The following ASTN2 variants were observed in gnomAD, a reference collection of about 807,000 sequenced individuals.
ASTN2 encodes the protein astrotactin 2, also known as astrotactin-2.
ASTN2 carries 54 observed loss-of-function variants against 139.8 expected under a neutral mutation model. The observed-to-expected ratio is 0.39, with a 90% CI of 0.31 to 0.48. ASTN2 has a LOEUF of 0.48. ASTN2 is among the 20% of genes least tolerant of loss of function. ASTN2 has a pLI of 0.95. For missense variants in ASTN2, 1,565 were observed against 1,725.1 expected (o/e 0.91, Z 1.64); for synonymous variants, 756 against 719.5 (o/e 1.05, Z -0.81).
chr9:117,413,799 G>A (rs1249174207), intron 1 of ASTN2, among the ~76,000 whole-genome samples: 2 of 152,196 alleles, frequency 1.3e-5, no homozygotes, highest in Non-Finnish European at 2.9e-5. Context: ...CTGGAGGTGG[G>A]TAGAAAGGGA....
intron 5 of ASTN2, among the ~76,000 whole-genome samples, chr9:117,041,252 A>AT (rs940860392): frequency 5.2e-4 from 76 of 147,522 alleles, no homozygotes; most frequent in East Asian, 1.8e-3. Flanking sequence ...TGCCTCCACA[A>AT]TTTTTTTTTT....
chr9:117,279,177 T>C (rs1290899938), intron 2 of ASTN2, among the ~76,000 whole-genome samples: 4 of 152,188 alleles, frequency 2.6e-5, no homozygotes, highest in African/African-American at 7.2e-5. Context: ...AGTCTCGTAA[T>C]TGGATGATTA....
intron 5 of ASTN2, among the ~76,000 whole-genome samples, chr9:117,050,345 C>T (rs1838879748): frequency 6.6e-6 from 1 of 152,094 alleles, no homozygotes; most frequent in Non-Finnish European, 1.5e-5. Flanking sequence ...TTGGCCCACA[C>T]TTTGTGAAAA....
At chr9:116,743,029 T>C (rs1170633774) in intron 13 of ASTN2, among the ~76,000 whole-genome samples, 3 of 152,008 alleles carry the variant, frequency 2.0e-5, no homozygotes, top group Admixed American at 2.0e-4. Context: ...AAAAATCACA[T>C]AGCAAATACC....
chr9:116,556,239 A>C (rs1852607980), intron 19 of ASTN2, among the ~76,000 whole-genome samples: 1 of 152,166 alleles, frequency 6.6e-6, no homozygotes, highest in African/African-American at 2.4e-5. Context: ...AGACTGGGAA[A>C]ATTTTATTTA....
At chr9:116,874,759 T>G (rs1486385392) in intron 10 of ASTN2, among the ~76,000 whole-genome samples, 1 of 152,200 alleles carries the variant, frequency 6.6e-6, no homozygotes, top group Non-Finnish European at 1.5e-5. Flanking sequence ...TACCTCACTT[T>G]ATTGCTCATT....
rs143998932 is a variant in ASTN2 at position 117,317,230 on chromosome 9, C to T, written c.443-25717G>A. On this transcript the variant is annotated intron_variant, in intron 1 of 22. Coordinates refer to ENST00000313400, the MANE Select transcript of ASTN2 (RefSeq NM_001365068.1). ...ATTTGGAGCCTTTTATGTTGAATAG[C>T]TTTGCACTTCCTGAAGGTATTTCAG... is the stretch of plus-strand genomic sequence containing the variant. Among the ~76,000 whole-genome samples, 549 of 152,254 alleles carry T rather than the reference C, an allele frequency of 3.6e-3. 5 individuals carry two copies. The highest frequency in any genetic ancestry group is 0.013 in the African/African-American group (523 of 41,560).
intron 22 of ASTN2, among the ~76,000 whole-genome samples, chr9:116,432,120 T>C (rs1847517576): frequency 6.6e-6 from 1 of 152,200 alleles, no homozygotes. Context: ...TATCATCTGA[T>C]GACCACTCAC....
intron 7 of ASTN2, among the ~76,000 whole-genome samples, chr9:116,994,574 G>T (rs898390988): frequency 6.6e-6 from 1 of 152,154 alleles, no homozygotes; most frequent in East Asian, 1.9e-4. Flanking sequence ...AAAGCCACCA[G>T]CCAGATGTGA....
chr9:117,247,312 T>C (rs531224272), intron 2 of ASTN2, among the ~76,000 whole-genome samples: 52 of 152,308 alleles, frequency 3.4e-4, no homozygotes, highest in African/African-American at 1.3e-3. Flanking sequence ...CTGCTGCCAA[T>C]ACCATTTGTC....
intron 3 of ASTN2, among the ~76,000 whole-genome samples, chr9:117,152,927 G>C (rs980631161): frequency 1.3e-5 from 2 of 152,074 alleles, no homozygotes; most frequent in African/African-American, 4.8e-5. Flanking sequence ...ACAGTTATTA[G>C]TTTAAGGTAA....
At position 116,733,278 on chromosome 9, in the gene ASTN2, C is replaced by T. The variant is rs1828836285; in HGVS notation, c.2521+121G>A. Reference sequence around the variant, plus strand: ...GGGTAAGTTCCTTCCCATACCCTTCCTCATGAAGGAGGAGGCTTGACAGAG... The same window carrying T: ...GGGTAAGTTCCTTCCCATACCCTTCTTCATGAAGGAGGAGGCTTGACAGAG... On this transcript the variant is annotated intron_variant, in intron 14 of 22. Coordinates refer to ENST00000313400, the MANE Select transcript of ASTN2 (RefSeq NM_001365068.1). 32 of 1,378,516 alleles carry T rather than the reference C, an allele frequency of 2.3e-5. No homozygotes were observed. The East Asian group carries it at 6.5e-4, about 28-fold the overall frequency. 85.4% of individuals were successfully genotyped at this position (1,378,516 alleles called of 1,614,324 possible).
At chr9:116,708,299 G>T (rs1240181859) in intron 16 of ASTN2, among the ~76,000 whole-genome samples, 1 of 152,032 alleles carries the variant, frequency 6.6e-6, no homozygotes, top group African/African-American at 2.4e-5. Context: ...ATCCAATAAG[G>T]CTCCCATATC....
In ASTN2 at chr9:116,487,452, G is replaced by C. The variant is rs1482745851; in HGVS notation, c.3404C>G (p.Ser1135Cys). ...ATGGCTTCGACCAGCTGCTACACAA[G>C]ATGTGCCCAGGCCAGAGAGTAAGTC... Reference protein sequence around the residue: ...ADDLLSGLGTSCVAAGRSHGE... With the variant: ...ADDLLSGLGTCCVAAGRSHGE... The change falls in exon 20 of 23, where the codon TCT becomes TGT. Residue 1135 changes from serine (S) to cysteine (C), a missense_variant. Physicochemically the swap from Ser to Cys is moderately radical, Grantham distance 112. This residue lies in a region of ASTN2 where 418 missense variants were observed against 465.8 expected (regional missense o/e 0.90). Transcript: ENST00000313400. 2 of 1,614,048 alleles carry C rather than the reference G, an allele frequency of 1.2e-6. No homozygotes were observed. Among genetic ancestry groups the C allele is most frequent in the East Asian group, 4.5e-5 (2 of 44,856 alleles).
chr9:116,748,405 C>T (rs1259588612), intron 13 of ASTN2, among the ~76,000 whole-genome samples: 1 of 152,204 alleles, frequency 6.6e-6, no homozygotes, highest in Non-Finnish European at 1.5e-5. Flanking sequence ...TGCAGACTGC[C>T]TCCCTCAATC....
chr9:117,254,558 T>G (rs1833630632), intron 2 of ASTN2, among the ~76,000 whole-genome samples: 1 of 152,140 alleles, frequency 6.6e-6, no homozygotes. Flanking sequence ...AAGCTTAGTG[T>G]CAACTTAAGC....
At position 116,780,693 on chromosome 9, in the gene ASTN2, G is replaced by A. The variant is rs77172616; in HGVS notation, c.2396+24939C>T. Among the ~76,000 whole-genome samples the A allele has an allele frequency of 0.017, 2,567 of 152,072 alleles. 188 individuals carry two copies. The East Asian group carries it at 0.18, about 10-fold the overall frequency. On this transcript the variant is annotated intron_variant, in intron 13 of 22. Coordinates refer to ENST00000313400, the MANE Select transcript of ASTN2 (RefSeq NM_001365068.1). Reference sequence around the variant, plus strand: ...ATAGTAGCTTTCCTCATTCTTTTCCGTTAGTTCTCTTCATTTCCATTTCCC... The same window carrying A: ...ATAGTAGCTTTCCTCATTCTTTTCCATTAGTTCTCTTCATTTCCATTTCCC...
At chr9:116,835,879 T>C (rs1831974704) in intron 11 of ASTN2, among the ~76,000 whole-genome samples, 1 of 152,176 alleles carries the variant, frequency 6.6e-6, no homozygotes, top group Non-Finnish European at 1.5e-5. Context: ...CTCAAACTCC[T>C]GGGCTTAAGC....
intron 7 of ASTN2, among the ~76,000 whole-genome samples, chr9:117,003,002 G>C (rs1227047715): frequency 6.6e-6 from 1 of 151,866 alleles, no homozygotes; most frequent in Non-Finnish European, 1.5e-5. Flanking sequence ...AGAAGCCCTT[G>C]CTCTCCCATT....
Sources: gnomAD v4.1 joint callset for allele counts (sites outside exome capture counted in the v4.1 genomes callset) on GRCh38, gnomAD v4.1.1 for gene constraint, gnomAD v4.1.1 regional missense constraint, MANE v1.5 for transcripts, NCBI Gene and HGNC (gene_info 2026-07-23, HGNC 2026-07-21) for gene names.